The following NAA35 variants were observed in gnomAD, a reference collection of about 807,000 sequenced individuals.
NAA35 encodes N-alpha-acetyltransferase 35, NatC auxiliary subunit.
Under a neutral mutation model 101.7 loss-of-function variants are expected in NAA35, and 18 were observed. That is an observed-to-expected ratio of 0.18 (90% confidence interval 0.12 to 0.26). The LOEUF (loss-of-function observed/expected upper bound fraction) is 0.26. Ranked by LOEUF, NAA35 falls within the 10% of genes least tolerant of loss-of-function variation. The pLI, the probability that NAA35 is intolerant of heterozygous loss-of-function variation, is 1.00. For synonymous variants in NAA35, 267 were observed against 273.1 expected (o/e 0.98, Z 0.22); for missense variants, 601 against 886.8 (o/e 0.68, Z 4.09).
intron 2 of NAA35, among the ~76,000 whole-genome samples, chr9:85,953,179 C>T (rs1458303827): frequency 6.6e-6 from 1 of 150,758 alleles, no homozygotes; most frequent in Non-Finnish European, 1.5e-5. Context: ...CACCACTGCT[C>T]TCCAGCCTGG....
At chr9:85,970,188 T>A (rs1829946041) in intron 6 of NAA35, among the ~76,000 whole-genome samples, 1 of 152,226 alleles carries the variant, frequency 6.6e-6, no homozygotes. Context: ...GTAAGCCACA[T>A]GTATAGTTCG....
chr9:86,010,312 T>C (rs1464767937), intron 15 of NAA35, among the ~76,000 whole-genome samples: 3 of 152,064 alleles, frequency 2.0e-5, no homozygotes, highest in African/African-American at 7.2e-5. Context: ...TGTGCTTTTT[T>C]TCATCTAATA....
chr9:86,020,724 G>GGGA (rs1832495496), intron 21 of NAA35, among the ~76,000 whole-genome samples, 165 bp from the exon 22 acceptor site: 1 of 152,154 alleles, frequency 6.6e-6, no homozygotes, highest in East Asian at 1.9e-4. Flanking sequence ...ACAGCCATTT[G>GGGA]GGAGGCTGAA....
chr9:85,958,645 A>G, intron 4 of NAA35, 59 bp downstream of exon 4: 3 of 1,061,120 alleles, frequency 2.8e-6, no homozygotes, highest in South Asian at 1.5e-5. Flanking sequence ...CTGTTAAAAC[A>G]TGGTGCTTAA....
chr9:85,942,111 C>T (rs1368492174), intron 1 of NAA35, 44 bp from the exon 2 acceptor site: 2 of 1,591,468 alleles, frequency 1.3e-6, no homozygotes, highest in South Asian at 1.1e-5. Context: ...TACTCTTGCC[C>T]TGAAAGCTAC....
At chr9:85,966,006 G>A (rs1829729230) in intron 6 of NAA35, among the ~76,000 whole-genome samples, 2 of 152,110 alleles carry the variant, frequency 1.3e-5, no homozygotes, top group Non-Finnish European at 2.9e-5. Context: ...CGGCATGATC[G>A]TAGCTCACTG....
intron 6 of NAA35, among the ~76,000 whole-genome samples, chr9:85,972,776 C>T (rs1830051218): frequency 6.6e-6 from 1 of 152,086 alleles, no homozygotes; most frequent in Admixed American, 6.6e-5. Flanking sequence ...ATGACCCCTG[C>T]CCTGGAATAA....
rs1202395719 is a variant in NAA35, at chr9:86,023,564, AT to A, written c.*1605del. Among the ~76,000 whole-genome samples the A allele has an allele frequency of 6.6e-6, 1 of 152,222 alleles. No homozygotes were observed. Among genetic ancestry groups the A allele is most frequent in the Non-Finnish European group, 1.5e-5 (1 of 68,034 alleles). On this transcript the variant is annotated 3_prime_UTR_variant, in exon 23 of 23. Coordinates refer to ENST00000361671, the MANE Select transcript of NAA35 (RefSeq NM_024635.4). Reference sequence around the variant, plus strand: ...GTGGCCAAGATACAAAGTATAAAAAATATGTCCCCCTTAAAAGCAAAAAAAG... The same window carrying A: ...GTGGCCAAGATACAAAGTATAAAAAAATGTCCCCCTTAAAAGCAAAAAAAG...
At chr9:85,956,337 G>T (rs1302334951) in intron 2 of NAA35, 23 bp from the exon 3 acceptor site, 5 of 1,317,302 alleles carry the variant, frequency 3.8e-6, no homozygotes, top group African/African-American at 3.0e-5. Context: ...ATGTTCAAAG[G>T]GTTTTTCTCT....
At position 86,024,305 on chromosome 9, in the gene NAA35, G is replaced by T. The variant is rs1422390741; in HGVS notation, c.*2345G>T. On this transcript the variant is annotated 3_prime_UTR_variant, in exon 23 of 23. Coordinates refer to ENST00000361671, the MANE Select transcript of NAA35 (RefSeq NM_024635.4). Reference sequence around the variant, plus strand: ...TGTGCACAGGCTTGGAGGGGAGAGGGTAGCAGCCTGGCCGAAGTATAGAGC... The same window carrying T: ...TGTGCACAGGCTTGGAGGGGAGAGGTTAGCAGCCTGGCCGAAGTATAGAGC... Among the ~76,000 whole-genome samples, 1 of 152,186 alleles carries T rather than the reference G, an allele frequency of 6.6e-6. No homozygotes were observed. The highest frequency in any genetic ancestry group is 1.5e-5 in the Non-Finnish European group (1 of 68,030).
intron 3 of NAA35, among the ~76,000 whole-genome samples, chr9:85,957,124 A>G (rs1829311300): frequency 6.6e-6 from 1 of 152,226 alleles, no homozygotes; most frequent in Admixed American, 6.5e-5. Context: ...CAAAAGCTTA[A>G]CTACTGGTAG....
chr9:86,004,508 A>G (rs572725426), intron 13 of NAA35, among the ~76,000 whole-genome samples: 1 of 152,312 alleles, frequency 6.6e-6, no homozygotes, highest in African/African-American at 2.4e-5. Context: ...TAGTAATTTA[A>G]GCTACCACTG....
chr9:85,966,601 G>A (rs1375316495), intron 6 of NAA35: 21 of 1,233,928 alleles, frequency 1.7e-5, no homozygotes, highest in Middle Eastern at 2.3e-4. Context: ...CTCAGATTTC[G>A]CGGCTCCTAG....
chr9:85,941,438 C>T, intron 1 of NAA35, 165 bp downstream of exon 1: 2 of 985,392 alleles, frequency 2.0e-6, no homozygotes, highest in South Asian at 9.4e-5. Flanking sequence ...TGCCCGCTGT[C>T]GGCCGAGGCC....
At position 86,018,361 on chromosome 9, in the gene NAA35, T is replaced by C; in HGVS notation, c.1880T>C (p.Met627Thr). ...AGGTTTGCTCCATTCAACAGTGTGA[T>C]GACCCCGCCGCCAGTGCACTACTTA... ...EHRFAPFNSV[M>T]TPPPVHYLQF... The change falls in exon 20 of 23, where the codon ATG becomes ACG. Residue 627 changes from methionine (M) to threonine (T), a missense_variant. Coordinates refer to ENST00000361671, the MANE Select transcript of NAA35 (RefSeq NM_024635.4). 1 of 1,613,792 alleles carries C rather than the reference T, an allele frequency of 6.2e-7. No individual in the cohort carries two copies. The highest frequency in any genetic ancestry group is 1.3e-5 in the African/African-American group (1 of 75,058).
Position 86,013,147 on chromosome 9 carries a change from A to T in NAA35, c.1389+3A>T. On this transcript the variant is annotated splice_donor_region_variant and intron_variant, in intron 16 of 22. Coordinates refer to ENST00000361671, the MANE Select transcript of NAA35 (RefSeq NM_024635.4). ...AATTTGCCACCTTGCAGGATGAGGT[A>T]AGAGCCAGGTTCCCCTCTCTTCTAA... The T allele has an allele frequency of 1.3e-6, 2 of 1,575,090 alleles. No individual in the cohort carries two copies. The highest frequency in any genetic ancestry group is 1.7e-6 in the Non-Finnish European group (2 of 1,151,020).
chr9:85,967,330 G>A (rs1448095710), intron 6 of NAA35, among the ~76,000 whole-genome samples: 2 of 152,080 alleles, frequency 1.3e-5, no homozygotes, highest in South Asian at 2.1e-4. Flanking sequence ...AAAAAAAGCA[G>A]CATTGTAGCC....
At chr9:86,021,390 C>A (rs532906586) in intron 22 of NAA35, among the ~76,000 whole-genome samples, 1 of 152,174 alleles carries the variant, frequency 6.6e-6, no homozygotes, top group South Asian at 2.1e-4. Flanking sequence ...ATCCATGCTA[C>A]GTCATCATTT....
In NAA35 at chr9:85,973,964, A is replaced by T. The variant is rs566652033; in HGVS notation, c.517-1003A>T. 3.4e-5 allele frequency among the ~76,000 whole-genome samples: 5 copies of T among 147,002 alleles called. No homozygotes were observed. The East Asian group carries it at 9.9e-4, about 29-fold the overall frequency. On this transcript the variant is annotated intron_variant, in intron 6 of 22. Coordinates refer to ENST00000361671, the MANE Select transcript of NAA35 (RefSeq NM_024635.4). ...TCTGTTATTTTAGGATTCTATCTAC[A>T]TTTTTTTTTTGAGGCAGAGTCTCAC...
Sources: gnomAD v4.1 joint callset for allele counts (sites outside exome capture counted in the v4.1 genomes callset) on GRCh38, gnomAD v4.1.1 for gene constraint, MANE v1.5 for transcripts, NCBI Gene and HGNC (gene_info 2026-07-23, HGNC 2026-07-21) for gene names.